Variants in ROBO1 observed in about 807,000 individuals in gnomAD.
The protein encoded by ROBO1 is roundabout homolog 1.
ROBO1 carries 149 observed loss-of-function variants against 195.9 expected under a neutral mutation model. The observed-to-expected ratio is 0.76, with a 90% CI of 0.67 to 0.87. The LOEUF is 0.87. ROBO1 is among the 40% of genes least tolerant of loss of function. The probability of loss-of-function intolerance (pLI) is 0.00; values close to 1 mark genes in which losing one functional copy is unlikely to be tolerated. For synonymous variants in ROBO1, 816 were observed against 733.2 expected, an observed-to-expected ratio of 1.11 and a Z score of -1.82; for missense variants, 1,933 against 2,068.3, an observed-to-expected ratio of 0.93 and a Z score of 1.27.
At chr3:78,966,443 C>A (rs1278521715) in intron 3 of ROBO1, among the ~76,000 whole-genome samples, 2 of 152,288 alleles carry the variant, frequency 1.3e-5, no homozygotes, top group Non-Finnish European at 1.5e-5. Flanking sequence ...GAGGTCGGGA[C>A]TGCTAATAAT....
intron 4 of ROBO1, among the ~76,000 whole-genome samples, chr3:78,889,527 A>G (rs1005977001): frequency 5.3e-5 from 8 of 152,192 alleles, no homozygotes; most frequent in Non-Finnish European, 7.3e-5. Flanking sequence ...TGATGCACAC[A>G]TGATGTTTCT....
chr3:78,671,397 A>G (rs1271894252), intron 10 of ROBO1, among the ~76,000 whole-genome samples: 1 of 152,040 alleles, frequency 6.6e-6, no homozygotes, highest in African/African-American at 2.4e-5. Context: ...AAAGACACAA[A>G]TGTACAAAGA....
intron 4 of ROBO1, among the ~76,000 whole-genome samples, chr3:78,771,409 T>C (rs2083372337): frequency 6.6e-6 from 1 of 152,194 alleles, no homozygotes; most frequent in South Asian, 2.1e-4. Flanking sequence ...AATTTTAGAA[T>C]AGTTTTTTCT....
At chr3:78,878,648 T>C (rs1354897873) in intron 4 of ROBO1, among the ~76,000 whole-genome samples, 1 of 107,994 alleles carries the variant, frequency 9.3e-6, no homozygotes, top group African/African-American at 3.6e-5. Context: ...ACCTTGGAAA[T>C]AACCAGCCAA....
intron 2 of ROBO1, among the ~76,000 whole-genome samples, chr3:79,455,699 T>C (rs1264484905): frequency 6.6e-6 from 1 of 152,124 alleles, no homozygotes; most frequent in Non-Finnish European, 1.5e-5. Context: ...ATGCACTGGC[T>C]GTTTCTTCAT....
intron 1 of ROBO1, among the ~76,000 whole-genome samples, chr3:79,630,403 T>G (rs1166658067): frequency 6.6e-6 from 1 of 152,012 alleles, no homozygotes; most frequent in African/African-American, 2.4e-5. Context: ...TATGATCATC[T>G]CGATTGATGC....
intron 3 of ROBO1, among the ~76,000 whole-genome samples, chr3:79,071,740 G>GCACACACA (rs151014133): frequency 1.2e-3 from 169 of 144,388 alleles, no homozygotes; most frequent in African/African-American, 4.5e-3. Context: ...ACACACACAC[G>GCACACACA]CACACACACA....
chr3:79,182,570 T>TGTGTGTGC (rs779706587), intron 2 of ROBO1, among the ~76,000 whole-genome samples: 43 of 150,028 alleles, frequency 2.9e-4, no homozygotes, highest in African/African-American at 1.0e-3. Flanking sequence ...TGTGTGTGTG[T>TGTGTGTGC]GCGTGCGTGC....
At chr3:79,577,285 G>A (rs1380895506) in intron 2 of ROBO1, among the ~76,000 whole-genome samples, 1 of 151,918 alleles carries the variant, frequency 6.6e-6, no homozygotes, top group African/African-American at 2.4e-5. Context: ...ATTACAAGGG[G>A]GCTTTTATTC....
intron 4 of ROBO1, among the ~76,000 whole-genome samples, chr3:78,813,040 GA>G (rs1174461424): frequency 1.3e-5 from 2 of 151,760 alleles, no homozygotes; most frequent in Admixed American, 6.6e-5. Flanking sequence ...TTAGATCTTA[GA>G]AAAAATATAA....
chr3:78,818,576 C>A (rs1439879628), intron 4 of ROBO1, among the ~76,000 whole-genome samples: 3 of 152,242 alleles, frequency 2.0e-5, no homozygotes, highest in Non-Finnish European at 2.9e-5. Context: ...AACGGAAGTA[C>A]ACGCAGTCAG....
chr3:78,627,268 T>C, intron 26 of ROBO1, 53 bp downstream of exon 26: 1 of 1,570,088 alleles, frequency 6.4e-7, no homozygotes, highest in Admixed American at 1.8e-5. Context: ...TAACTTCCAC[T>C]GAGGAGTAGA....
chr3:79,558,879 A>C (rs553618778), intron 2 of ROBO1, among the ~76,000 whole-genome samples: 33 of 152,326 alleles, frequency 2.2e-4, no homozygotes, highest in African/African-American at 7.7e-4. Context: ...TGAGTAAAAC[A>C]TCTGTTTGGG....
intron 10 of ROBO1, among the ~76,000 whole-genome samples, chr3:78,677,500 C>CA (rs1281828919): frequency 6.6e-6 from 1 of 151,324 alleles, no homozygotes; most frequent in Non-Finnish European, 1.5e-5. Context: ...TAATGGAAAA[C>CA]AAAAAAAGGC....
intron 8 of ROBO1, among the ~76,000 whole-genome samples, chr3:78,707,018 T>A (rs540309666): frequency 6.6e-6 from 1 of 152,328 alleles, no homozygotes; most frequent in East Asian, 1.9e-4. Context: ...TGCAAACTAA[T>A]GCTTACAGCC....
Position 79,724,659 on chromosome 3 carries a change from A to G in ROBO1, c.-51+43093T>C, listed in dbSNP as rs1047369665. ...CAGTCTAGTATACTTGCCAAAAACTATGTGTTAGCTTAAAAGTTGAGGCTT... is the reference window on the plus strand; with the variant it reads ...CAGTCTAGTATACTTGCCAAAAACTGTGTGTTAGCTTAAAAGTTGAGGCTT... On this transcript the variant is annotated intron_variant, in intron 1 of 30. Coordinates refer to ENST00000464233, the MANE Select transcript of ROBO1 (RefSeq NM_002941.4). Among the ~76,000 whole-genome samples the G allele has an allele frequency of 3.3e-4, 50 of 152,172 alleles. 1 individual carries two copies. The highest frequency in any genetic ancestry group is 1.0e-4 in the Non-Finnish European group (7 of 68,036).
chr3:79,589,686 C>G lies in ROBO1; in HGVS notation c.88+138G>C, dbSNP rs1336332127. The stretch of plus-strand genomic sequence containing the variant: ...CCTGAAATTGATCAGCACTCATACT[C>G]AAGAAGACATTCACACAGACTTACA... On this transcript the variant is annotated intron_variant, in intron 2 of 30. Coordinates refer to ENST00000464233, the MANE Select transcript of ROBO1 (RefSeq NM_002941.4). 48 of 663,364 alleles carry G rather than the reference C, an allele frequency of 7.2e-5. No individual in the cohort carries two copies. In the East Asian group the frequency reaches 1.1e-3, roughly 15 times the overall value. The allele number at this position is 663,364 out of a possible 1,614,324, so 41.1% of individuals were successfully genotyped here. A position where few individuals can be genotyped will look rare whatever the true frequency, so the allele number is the denominator to read the frequency against.
intron 27 of ROBO1, among the ~76,000 whole-genome samples, chr3:78,615,866 A>G (rs1218540580): frequency 6.6e-6 from 1 of 152,232 alleles, no homozygotes; most frequent in Non-Finnish European, 1.5e-5. Context: ...TTCAAGTCAC[A>G]TGACAAGCAC....
At chr3:78,697,719 T>A (rs2081332374) in intron 8 of ROBO1, among the ~76,000 whole-genome samples, 1 of 152,180 alleles carries the variant, frequency 6.6e-6, no homozygotes, top group Non-Finnish European at 1.5e-5. Context: ...AATCTTAAAG[T>A]GCTTTCAGTG....
Sources: allele counts gnomAD v4.1 joint callset (sites outside exome capture counted in the v4.1 genomes callset), GRCh38; gene constraint gnomAD v4.1.1; transcripts MANE v1.5; gene names NCBI Gene and HGNC (gene_info 2026-07-23, HGNC 2026-07-21).